The following ELAPOR2 variants were observed in gnomAD, a reference collection of about 807,000 sequenced individuals.
ELAPOR2 encodes endosome-lysosome associated apoptosis and autophagy regulator family member 2.
ELAPOR2 carries 89 observed loss-of-function variants against 120.7 expected under a neutral mutation model. That is an observed-to-expected ratio of 0.74 (90% CI 0.62 to 0.88). The LOEUF is 0.88. Ranked by LOEUF, ELAPOR2 falls within the 40% of genes least tolerant of loss-of-function variation. ELAPOR2 has a pLI of 0.00. For synonymous variants in ELAPOR2, 444 were observed against 444.9 expected (o/e 1.00, Z 0.03); for missense variants, 1,134 against 1,251.6 (o/e 0.91, Z 1.42).
intron 21 of ELAPOR2, among the ~76,000 whole-genome samples, chr7:86,888,775 T>C (rs779394453): frequency 1.3e-5 from 2 of 152,100 alleles, no homozygotes; most frequent in Non-Finnish European, 2.9e-5. Context: ...GACATCATTA[T>C]ATGAGGTGAA....
At chr7:86,994,324 G>C (rs922091068) in intron 1 of ELAPOR2, among the ~76,000 whole-genome samples, 1 of 152,136 alleles carries the variant, frequency 6.6e-6, no homozygotes, top group South Asian at 2.1e-4. Flanking sequence ...CTTGATTTAG[G>C]AGGTATAACA....
Position 86,912,253 on chromosome 7 carries a change from T to G in ELAPOR2, c.1996-8A>C. On this transcript the variant is annotated splice_polypyrimidine_tract_variant and splice_region_variant and intron_variant, in intron 14 of 21. Coordinates refer to ENST00000450689, the MANE Select transcript of ELAPOR2 (RefSeq NM_001142749.3). The stretch of plus-strand genomic sequence containing the variant: ...ATAGCAAACCGAATGGTCCTTTGAT[T>G]AAAGATAAAGAAACAATATAGCAGG... 1 of 1,565,512 alleles carries G rather than the reference T, an allele frequency of 6.4e-7. No individual in the cohort carries two copies. Among genetic ancestry groups the G allele is most frequent in the Non-Finnish European group, 8.7e-7 (1 of 1,144,026 alleles).
Position 86,926,869 on chromosome 7 carries a change from A to T in ELAPOR2, c.1137T>A (p.Asp379Glu), listed in dbSNP as rs1335003821. Residue 379 changes from aspartate to glutamate, a missense_variant, in exon 9 of 22, where the codon GAT becomes GAA. Asp to Glu is a conservative substitution (Grantham distance 45). Coordinates refer to ENST00000450689, the MANE Select transcript of ELAPOR2 (RefSeq NM_001142749.3). The part of the protein sequence containing the change: ...KWIEPKICRE[D>E]LTDAIRLPPS... ...GGGGCAATCTAATAGCATCTGTGAGATCCTCCCGGCAGATTTTGGGCTCTA... is the reference window on the plus strand; with the variant it reads ...GGGGCAATCTAATAGCATCTGTGAGTTCCTCCCGGCAGATTTTGGGCTCTA... 1.3e-6 allele frequency: 2 copies of T among 1,583,792 alleles called. No individual in the cohort carries two copies.
chr7:86,943,011 TC>T (rs777440517), intron 4 of ELAPOR2, among the ~76,000 whole-genome samples: 4 of 152,052 alleles, frequency 2.6e-5, no homozygotes, highest in Non-Finnish European at 5.9e-5. Context: ...CCTATTGCCA[TC>T]CAAATACCAG....
chr7:86,901,067 C>T (rs1788701602), intron 18 of ELAPOR2, among the ~76,000 whole-genome samples: 1 of 152,150 alleles, frequency 6.6e-6, no homozygotes, highest in Non-Finnish European at 1.5e-5. Context: ...ACCATAGGAA[C>T]CAGTGAATAA....
intron 1 of ELAPOR2, among the ~76,000 whole-genome samples, chr7:87,049,989 TTCTC>T (rs1795055749): frequency 6.6e-6 from 1 of 152,170 alleles, no homozygotes; most frequent in Non-Finnish European, 1.5e-5. Flanking sequence ...CTTGTTCTCT[TTCTC>T]TCTCTTTCTT....
chr7:86,950,641 T>G (rs1562939756), intron 2 of ELAPOR2, among the ~76,000 whole-genome samples: 1 of 152,242 alleles, frequency 6.6e-6, no homozygotes, highest in East Asian at 1.9e-4. Context: ...TGCCTGGCTG[T>G]GCATGGTAGC....
At chr7:86,934,897 C>T (rs113521264) in intron 8 of ELAPOR2, among the ~76,000 whole-genome samples, 65 of 152,110 alleles carry the variant, frequency 4.3e-4, no homozygotes, top group African/African-American at 1.5e-3. Context: ...ACCTTTAACA[C>T]TTTCCTCCCC....
intron 1 of ELAPOR2, among the ~76,000 whole-genome samples, chr7:87,054,912 C>T (rs895256269): frequency 1.3e-5 from 2 of 152,208 alleles, no homozygotes; most frequent in Non-Finnish European, 2.9e-5. Context: ...AAAGGCTTTT[C>T]TTTTTCCCAC....
chr7:86,913,082 A>G lies in ELAPOR2; in HGVS notation c.1854T>C (p.Cys618=). Residue 618 remains cysteine, a synonymous_variant, in exon 14 of 22, where the codon TGT becomes TGC. Transcript: ENST00000450689. ...ALGSEQSGSS[C]VPCPPGHYIE... is the part of the protein sequence containing the mutation. ...TGTAGTGGCCTGGAGGGCAGGGGAC[A>G]CACGATGAACCCGACTGTTCAGAAC... 6.2e-7 allele frequency: 1 copy of G among 1,614,122 alleles called. No homozygotes were observed. The highest frequency in any genetic ancestry group is 8.5e-7 in the Non-Finnish European group (1 of 1,180,008).
At chr7:87,011,942 T>C (rs950097176) in intron 1 of ELAPOR2, among the ~76,000 whole-genome samples, 2 of 152,176 alleles carry the variant, frequency 1.3e-5, no homozygotes, top group African/African-American at 4.8e-5. Context: ...ATTAAAATGA[T>C]TTTAAAAACA....
At chr7:86,911,363 G>A (rs1789300464) in intron 15 of ELAPOR2, among the ~76,000 whole-genome samples, 1 of 151,828 alleles carries the variant, frequency 6.6e-6, no homozygotes, top group African/African-American at 2.4e-5. Flanking sequence ...TGTTTCCTTT[G>A]TTCAAAGCTT....
In ELAPOR2 at chr7:86,915,685, TA is replaced by T. The variant is rs1420475108; in HGVS notation, c.1594-826del. Reference sequence around the variant, plus strand: ...GGAATTTGGATGGGCTTCCATTAGTTATCTGGGATGCCGGCAATAAGGTTTC... The same window carrying T: ...GGAATTTGGATGGGCTTCCATTAGTTTCTGGGATGCCGGCAATAAGGTTTC... On this transcript the variant is annotated intron_variant, in intron 12 of 21. Transcript: ENST00000450689. Among the ~76,000 whole-genome samples, 3 of 149,858 alleles carry T rather than the reference TA, an allele frequency of 2.0e-5. No homozygotes were observed. In the East Asian group the frequency reaches 5.8e-4, roughly 29 times the overall value.
At chr7:87,001,466 G>A (rs1793312544) in intron 1 of ELAPOR2, among the ~76,000 whole-genome samples, 1 of 152,202 alleles carries the variant, frequency 6.6e-6, no homozygotes, top group Non-Finnish European at 1.5e-5. Flanking sequence ...CATGGAAACA[G>A]CTCAGTTTCT....
intron 15 of ELAPOR2, among the ~76,000 whole-genome samples, chr7:86,911,235 C>T (rs377475860): frequency 6.4e-4 from 98 of 152,086 alleles, no homozygotes; most frequent in African/African-American, 2.3e-3. Flanking sequence ...ACTGAGTAAC[C>T]AATCTAGTGA....
At chr7:86,920,224 A>C (rs113917537) in intron 10 of ELAPOR2, among the ~76,000 whole-genome samples, 2 of 152,288 alleles carry the variant, frequency 1.3e-5, no homozygotes, top group African/African-American at 4.8e-5. Context: ...CTTAAAAATA[A>C]TATGTACTAA....
At chr7:86,881,103 C>T (rs943737934) in intron 21 of ELAPOR2, among the ~76,000 whole-genome samples, 3 of 152,094 alleles carry the variant, frequency 2.0e-5, no homozygotes, top group Admixed American at 2.0e-4. Flanking sequence ...TGTATCATTG[C>T]TGGCATTATA....
chr7:87,028,131 C>G (rs10282295), intron 1 of ELAPOR2, among the ~76,000 whole-genome samples: 32,565 of 152,040 alleles, frequency 0.21, 3,712 homozygotes, highest in African/African-American at 0.27. Context: ...GTTACTACCA[C>G]TTTTCATCCC....
chr7:86,890,368 A>G (rs1788087283), intron 21 of ELAPOR2, among the ~76,000 whole-genome samples: 1 of 151,920 alleles, frequency 6.6e-6, no homozygotes, highest in Admixed American at 6.6e-5. Context: ...CAGGTATGCT[A>G]CCTGTCCAAA....
Sources: allele counts gnomAD v4.1 joint callset (sites outside exome capture counted in the v4.1 genomes callset), GRCh38; gene constraint gnomAD v4.1.1; transcripts MANE v1.5; gene names NCBI Gene and HGNC (gene_info 2026-07-23, HGNC 2026-07-21).